PIGN: variants seen among roughly 807,000 people sequenced by gnomAD.
The protein encoded by PIGN is phosphatidylinositol glycan anchor biosynthesis class N.
PIGN carries 117 observed loss-of-function variants against 125.4 expected under a neutral mutation model. The observed-to-expected ratio is 0.93, with a 90% CI of 0.80 to 1.09. The LOEUF is 1.09. Ranked by LOEUF, PIGN falls within the 50% of genes least tolerant of loss-of-function variation. The probability of loss-of-function intolerance (pLI) is 0.00; values close to 1 mark genes in which losing one functional copy is unlikely to be tolerated. For synonymous variants in PIGN, 392 were observed against 377.8 expected, an observed-to-expected ratio of 1.04 and a Z score of -0.44; for missense variants, 1,075 against 1,094.9, an observed-to-expected ratio of 0.98 and a Z score of 0.26.
intron 1 of PIGN, among the ~76,000 whole-genome samples, chr18:62,168,509 A>ATAAGTTATAT (rs1378126195): frequency 5.3e-5 from 8 of 152,046 alleles, no homozygotes; most frequent in Non-Finnish European, 1.2e-4. Flanking sequence ...ATTGTTTCTG[A>ATAAGTTATAT]ACCATTTGAG....
intron 25 of PIGN, 33 bp downstream of exon 25, chr18:62,088,723 A>G: frequency 8.5e-7 from 1 of 1,175,326 alleles, no homozygotes; most frequent in Non-Finnish European, 1.2e-6. Context: ...TGGGAGTTGC[A>G]GCTCTTTAAA....
At chr18:62,038,983 G>A (rs1471629812), downstream of PIGN, among the ~76,000 whole-genome samples, 1 of 151,236 alleles carries the variant, frequency 6.6e-6, no homozygotes, top group East Asian at 1.9e-4. Flanking sequence ...TTGATTGAAA[G>A]TAATTCAGGA....
At chr18:62,179,807 A>T (rs1388417124) in intron 1 of PIGN, among the ~76,000 whole-genome samples, 2 of 152,172 alleles carry the variant, frequency 1.3e-5, no homozygotes, top group Non-Finnish European at 1.5e-5. Context: ...TTACATTAAT[A>T]TTATAATCAT....
chr18:62,081,027 A>G (rs2033424504), intron 28 of PIGN, among the ~76,000 whole-genome samples: 1 of 152,210 alleles, frequency 6.6e-6, no homozygotes, highest in African/African-American at 2.4e-5. Flanking sequence ...AACAATGTTA[A>G]TACAACTTTT....
chr18:62,032,100 T>C (rs1194391566), intron 23 of PIGN, among the ~76,000 whole-genome samples: 1 of 152,166 alleles, frequency 6.6e-6, no homozygotes, highest in African/African-American at 2.4e-5. Flanking sequence ...TGCCATTGGG[T>C]TTAGGGACCA....
chr18:62,065,423 G>T (rs1392783776), intron 30 of PIGN, among the ~76,000 whole-genome samples: 1 of 152,208 alleles, frequency 6.6e-6, no homozygotes, highest in African/African-American at 2.4e-5. Flanking sequence ...AACTGAATAA[G>T]GGGCAGGATG....
chr18:62,138,420 T>C (rs756730336), intron 13 of PIGN, 122 bp from the exon 14 acceptor site: 3 of 1,297,892 alleles, frequency 2.3e-6, no homozygotes, highest in Non-Finnish European at 3.1e-6. Flanking sequence ...AATGGAATTT[T>C]ATGTTACTAT....
chr18:62,173,878 G>A (rs548447618), intron 1 of PIGN, among the ~76,000 whole-genome samples: 1 of 152,208 alleles, frequency 6.6e-6, no homozygotes, highest in Non-Finnish European at 1.5e-5. Context: ...GCAACAAATA[G>A]GTGGCAAAAG....
intron 1 of PIGN, among the ~76,000 whole-genome samples, chr18:62,175,286 C>T (rs541676999): frequency 6.6e-6 from 1 of 151,634 alleles, no homozygotes; most frequent in African/African-American, 2.4e-5. Flanking sequence ...TAAGTTTCTC[C>T]CTTCATCTAA....
chr18:62,174,115 G>A (rs1231112012), intron 1 of PIGN, among the ~76,000 whole-genome samples: 3 of 151,716 alleles, frequency 2.0e-5, no homozygotes, highest in Non-Finnish European at 4.4e-5. Context: ...TCAGGAGGCT[G>A]AGGCAGGAAA....
chr18:62,038,196 A>G (rs989975159), downstream of PIGN, among the ~76,000 whole-genome samples: 5 of 152,138 alleles, frequency 3.3e-5, no homozygotes, highest in Non-Finnish European at 7.4e-5. Flanking sequence ...CTAAATTCCA[A>G]CTTAGCAGAA....
intron 29 of PIGN, among the ~76,000 whole-genome samples, chr18:62,073,729 A>G (rs1353642377): frequency 6.6e-6 from 1 of 152,160 alleles, no homozygotes; most frequent in Non-Finnish European, 1.5e-5. Context: ...CTGATTTGGG[A>G]AGCTACCCTT....
At chr18:62,127,002 A>G (rs2035557694) in intron 14 of PIGN, among the ~76,000 whole-genome samples, 1 of 152,102 alleles carries the variant, frequency 6.6e-6, no homozygotes, top group Non-Finnish European at 1.5e-5. Flanking sequence ...TATCTTGTCA[A>G]TCTTAAAGCA....
intron 30 of PIGN, among the ~76,000 whole-genome samples, chr18:62,060,882 G>A (rs1044469187): frequency 5.3e-5 from 8 of 152,038 alleles, no homozygotes; most frequent in African/African-American, 1.9e-4. Context: ...CGTATAAAAG[G>A]CAATACTCTA....
At chr18:62,181,753 C>T (rs1364307783) in intron 1 of PIGN, among the ~76,000 whole-genome samples, 4 of 152,000 alleles carry the variant, frequency 2.6e-5, no homozygotes, top group Non-Finnish European at 4.4e-5. Context: ...GACAGAGTCT[C>T]GCCCTATCTA....
At chr18:62,154,401 T>C (rs2036645709) in intron 7 of PIGN, 144 bp downstream of exon 7, 2 of 525,558 alleles carry the variant, frequency 3.8e-6, no homozygotes, top group South Asian at 3.0e-5. Context: ...TGTAATTTTT[T>C]AGAATTAAAT....
Position 62,083,032 on chromosome 18 carries a change from A to G in PIGN, c.2503-286T>C, listed in dbSNP as rs914561037. Among the ~76,000 whole-genome samples, 5 of 152,212 alleles carry G rather than the reference A, an allele frequency of 3.3e-5. No individual in the cohort carries two copies. The East Asian group carries it at 9.6e-4, about 29-fold the overall frequency. On this transcript the variant is annotated intron_variant, in intron 27 of 30. Coordinates refer to ENST00000640252, the MANE Select transcript of PIGN (RefSeq NM_176787.5). ...TTACAAATTTTGTTCCATTTAATGTATTCTAATAATTAACCACAATGTTCA... is the reference window on the plus strand; with the variant it reads ...TTACAAATTTTGTTCCATTTAATGTGTTCTAATAATTAACCACAATGTTCA...
chr18:62,149,715 G>A (rs915647714), intron 7 of PIGN, among the ~76,000 whole-genome samples: 6 of 152,106 alleles, frequency 3.9e-5, no homozygotes, highest in Non-Finnish European at 8.8e-5. Flanking sequence ...ATAAGGGCGG[G>A]AACTCCAGGA....
intron 14 of PIGN, chr18:62,136,137 TCTACTATA>T (rs2035924636): frequency 6.6e-6 from 1 of 152,096 alleles, no homozygotes. Flanking sequence ...AAATCTCAAT[TCTACTATA>T]CTACAATAAA....
Sources: gnomAD v4.1 joint callset for allele counts (sites outside exome capture counted in the v4.1 genomes callset) on GRCh38, gnomAD v4.1.1 for gene constraint, MANE v1.5 for transcripts, NCBI Gene and HGNC (gene_info 2026-07-23, HGNC 2026-07-21) for gene names.